EPB41: variants seen among roughly 807,000 people sequenced by gnomAD.
EPB41 encodes the protein erythrocyte membrane protein band 4.1, also known as protein 4.1.
Under a neutral mutation model 108.0 loss-of-function variants are expected in EPB41, and 65 were observed. That is an observed-to-expected ratio of 0.60 (90% CI 0.49 to 0.74). EPB41 has a LOEUF of 0.74. Among genes scored for constraint, EPB41 ranks in the 30% least tolerant of loss-of-function variants. EPB41 has a pLI of 0.00. For missense variants in EPB41, 875 were observed against 1,037.0 expected (o/e 0.84, Z 2.15); for synonymous variants, 336 against 358.9 (o/e 0.94, Z 0.72).
intron 1 of EPB41, among the ~76,000 whole-genome samples, chr1:28,957,247 T>C (rs746887714): frequency 1.3e-5 from 2 of 152,246 alleles, no homozygotes; most frequent in Non-Finnish European, 2.9e-5. Context: ...AAGAGAACAT[T>C]AGAAGTAGTT....
chr1:29,092,622 T>C (rs1240255364), intron 16 of EPB41, among the ~76,000 whole-genome samples: 1 of 152,028 alleles, frequency 6.6e-6, no homozygotes, highest in Non-Finnish European at 1.5e-5. Flanking sequence ...GTCATGGGGG[T>C]TTGTTTTACA....
Position 28,987,895 on chromosome 1 carries a change from C to G in EPB41, c.458C>G (p.Ala153Gly). 1 of 1,614,112 alleles carries G rather than the reference C, an allele frequency of 6.2e-7. No individual in the cohort carries two copies. The highest frequency in any genetic ancestry group is 8.5e-7 in the Non-Finnish European group (1 of 1,179,960). Residue 153 changes from alanine (A) to glycine (G), a missense_variant, in exon 2 of 21, where the codon GCA becomes GGA. Coordinates refer to ENST00000343067, the MANE Select transcript of EPB41 (RefSeq NM_001376013.1). ...PSLDLHSLSS[A>G]ETQPAQEELR... Reference sequence around the variant, plus strand: ...TTGGATCTTCATTCATTAAGCAGTGCAGAAACACAGGTAAGGATGTGTGGA... The same window carrying G: ...TTGGATCTTCATTCATTAAGCAGTGGAGAAACACAGGTAAGGATGTGTGGA...
At chr1:28,995,723 GA>G (rs2096155698) in intron 3 of EPB41, among the ~76,000 whole-genome samples, 1 of 152,182 alleles carries the variant, frequency 6.6e-6, no homozygotes, top group African/African-American at 2.4e-5. Context: ...GATTCATTCT[GA>G]GGTGGATAAA....
chr1:29,018,961 A>G lies in EPB41; in HGVS notation c.1124+519A>G. 6.6e-6 allele frequency among the ~76,000 whole-genome samples: 1 copy of G among 152,198 alleles called. No individual in the cohort carries two copies. Among genetic ancestry groups the G allele is most frequent in the Non-Finnish European group, 1.5e-5 (1 of 68,036 alleles). On this transcript the variant is annotated intron_variant, in intron 7 of 20. Transcript: ENST00000343067. The surrounding 1 kb of genome is among the most constrained non-coding windows in gnomAD (Gnocchi z 4.4). ...GCTGGGAGTTATCAAGTGATCAAGA[A>G]CAAGAGTTTACAGTCAGTCTGAGCT...
intron 1 of EPB41, among the ~76,000 whole-genome samples, chr1:28,957,172 T>C (rs1017321458): frequency 6.6e-6 from 1 of 152,258 alleles, no homozygotes; most frequent in African/African-American, 2.4e-5. Flanking sequence ...GATCTGGTTT[T>C]GGCAGAATAG....
chr1:29,036,254 ATT>A lies in EPB41; in HGVS notation c.1463+352_1463+353del, dbSNP rs71022387. ...TTACCCTCACTTACCTCCACGTGTGATTTTTTTTTTTTTTTTTTTTTTGAGAC... is the reference window on the plus strand; with the variant it reads ...TTACCCTCACTTACCTCCACGTGTGATTTTTTTTTTTTTTTTTTTTGAGAC... On this transcript the variant is annotated intron_variant, in intron 10 of 20. Transcript: ENST00000343067. 4.2e-3 allele frequency among the ~76,000 whole-genome samples: 449 copies of A among 106,330 alleles called. 1 individual carries two copies. The highest frequency in any genetic ancestry group is 5.6e-3 in the Middle Eastern group (1 of 180). The allele number at this position is 106,330 out of a possible 152,430, so 69.8% of individuals were successfully genotyped here.
At chr1:29,045,967 C>A (rs1269228213) in intron 11 of EPB41, among the ~76,000 whole-genome samples, 1 of 151,608 alleles carries the variant, frequency 6.6e-6, no homozygotes, top group African/African-American at 2.4e-5. Flanking sequence ...CAGAGTGAGA[C>A]CCTGTCTCTA....
Position 29,102,139 on chromosome 1 carries a change from A to G in EPB41, c.2313+4204A>G, listed in dbSNP as rs138825966. Among the ~76,000 whole-genome samples, 1,445 of 152,374 alleles carry G rather than the reference A, an allele frequency of 9.5e-3. 12 individuals carry two copies. Among genetic ancestry groups the G allele is most frequent in the Non-Finnish European group, 0.016 (1,121 of 68,030 alleles). ...TAGCCAGAGGATATAGGAAATAATTACTTCATATGGCAGAATCCCTTTAAG... is the reference window on the plus strand; with the variant it reads ...TAGCCAGAGGATATAGGAAATAATTGCTTCATATGGCAGAATCCCTTTAAG... On this transcript the variant is annotated intron_variant, in intron 17 of 20. Transcript: ENST00000343067.
intron 7 of EPB41, among the ~76,000 whole-genome samples, chr1:29,027,354 A>G (rs1019646426): frequency 5.0e-5 from 7 of 140,264 alleles, no homozygotes; most frequent in African/African-American, 1.6e-4. Context: ...TTTTTTTGAG[A>G]TGGAGTTTCA....
intron 17 of EPB41, among the ~76,000 whole-genome samples, chr1:29,098,272 G>A (rs992746709): frequency 6.6e-6 from 1 of 151,938 alleles, no homozygotes; most frequent in South Asian, 2.1e-4. Context: ...TCGGCTCACT[G>A]CAAGCTCTGC....
At chr1:28,974,081 G>A (rs1314398973) in intron 1 of EPB41, among the ~76,000 whole-genome samples, 1 of 152,120 alleles carries the variant, frequency 6.6e-6, no homozygotes, top group South Asian at 2.1e-4. Context: ...GTTTTATGAC[G>A]TGGTTTCAAA....
intron 3 of EPB41, among the ~76,000 whole-genome samples, chr1:28,994,313 A>T (rs1416127634): frequency 6.6e-6 from 1 of 152,024 alleles, no homozygotes; most frequent in East Asian, 1.9e-4. Context: ...CTGGGACTAC[A>T]GGCACCCGCC....
intron 17 of EPB41, among the ~76,000 whole-genome samples, chr1:29,108,110 C>T (rs1667832111): frequency 6.7e-6 from 1 of 148,598 alleles, no homozygotes. Flanking sequence ...ATTATTGTCA[C>T]TAATGTTGAC....
At chr1:28,958,801 A>C (rs1222390611) in intron 1 of EPB41, among the ~76,000 whole-genome samples, 2 of 144,246 alleles carry the variant, frequency 1.4e-5, no homozygotes, top group Non-Finnish European at 3.0e-5. Context: ...CCTGGGTGAC[A>C]GAGGGATACC....
At chr1:28,944,657 C>T (rs534582629) in intron 1 of EPB41, among the ~76,000 whole-genome samples, 1 of 151,618 alleles carries the variant, frequency 6.6e-6, no homozygotes, top group Admixed American at 6.6e-5. Flanking sequence ...CTGCCTCAGC[C>T]TCCCGAGTAG....
chr1:28,939,507 G>A (rs973074610), intron 1 of EPB41, among the ~76,000 whole-genome samples: 1 of 151,980 alleles, frequency 6.6e-6, no homozygotes, highest in African/African-American at 2.4e-5. Flanking sequence ...GCAGTGGTGC[G>A]ATCTTGGCTC....
rs1454448933 is a variant in EPB41, at chr1:29,115,350, A to C, written c.2497-349A>C. Among the ~76,000 whole-genome samples, 2 of 152,062 alleles carry C rather than the reference A, an allele frequency of 1.3e-5. No individual in the cohort carries two copies. Among genetic ancestry groups the C allele is most frequent in the African/African-American group, 4.8e-5 (2 of 41,420 alleles). ...GGAGGTTGCAGTGAGCCGAGATTGC[A>C]CCATTGCACTCCAGCCTGGGTGACG... On this transcript the variant is annotated intron_variant, in intron 19 of 20. Coordinates refer to ENST00000343067, the MANE Select transcript of EPB41 (RefSeq NM_001376013.1). This position sits in a 1 kb window ranked among gnomAD's most constrained non-coding sequence, Gnocchi z 4.4.
chr1:28,962,592 C>T (rs1452685485), intron 1 of EPB41, among the ~76,000 whole-genome samples: 1 of 152,112 alleles, frequency 6.6e-6, no homozygotes, highest in African/African-American at 2.4e-5. Context: ...TTTTCCCCAG[C>T]CCCTGCAACT....
At chr1:28,931,957 A>C (rs2093772401) in intron 1 of EPB41, among the ~76,000 whole-genome samples, 2 of 152,182 alleles carry the variant, frequency 1.3e-5, no homozygotes, top group African/African-American at 4.8e-5. Context: ...TTTAACAGTA[A>C]ATCTACTTCT....
Sources: allele counts gnomAD v4.1 joint callset (sites outside exome capture counted in the v4.1 genomes callset), GRCh38; gene constraint gnomAD v4.1.1; non-coding constraint Gnocchi (gnomAD v3.1); transcripts MANE v1.5; gene names NCBI Gene and HGNC (gene_info 2026-07-23, HGNC 2026-07-21).